Variants in ASB3 observed in about 807,000 individuals in gnomAD.
The protein encoded by ASB3 is ankyrin repeat and SOCS box protein 3.
ASB3 carries 41 observed loss-of-function variants against 54.5 expected under a neutral mutation model. The observed-to-expected ratio is 0.75, with a 90% CI of 0.59 to 0.98. The LOEUF (loss-of-function observed/expected upper bound fraction) is 0.98. Among genes scored for constraint, ASB3 ranks in the 50% least tolerant of loss-of-function variants. The probability of loss-of-function intolerance (pLI) is 0.00; values close to 1 mark genes in which losing one functional copy is unlikely to be tolerated. For missense variants in ASB3, 733 were observed against 620.0 expected, an observed-to-expected ratio of 1.18 and a Z score of -1.94; for synonymous variants, 266 against 221.2, an observed-to-expected ratio of 1.20 and a Z score of -1.80.
chr2:53,677,064 C>T (rs878967705), intron 9 of ASB3, among the ~76,000 whole-genome samples: 40 of 152,258 alleles, frequency 2.6e-4, no homozygotes, highest in Admixed American at 2.6e-4. Context: ...CCACCGCGCC[C>T]GGCCTATACT....
intron 2 of ASB3, among the ~76,000 whole-genome samples, chr2:53,752,130 T>G (rs1280703225): frequency 6.6e-6 from 1 of 152,220 alleles, no homozygotes. Context: ...ATTATAAAGA[T>G]GCTGATTCTT....
At chr2:53,739,573 A>T (rs946908259) in intron 3 of ASB3, among the ~76,000 whole-genome samples, 1 of 152,236 alleles carries the variant, frequency 6.6e-6, no homozygotes, top group African/African-American at 2.4e-5. Context: ...TTACCATAAC[A>T]ATTCTGTACA....
At chr2:53,786,792 A>C in intron 1 of ASB3, 29 bp downstream of exon 1, 1 of 173,986 alleles carries the variant, frequency 5.7e-6, no homozygotes, top group Non-Finnish European at 1.2e-5. Flanking sequence ...GGCTTCAGGA[A>C]GCGGCTGCCG....
At chr2:53,772,439 G>A (rs1332095170) in intron 1 of ASB3, among the ~76,000 whole-genome samples, 1 of 152,090 alleles carries the variant, frequency 6.6e-6, no homozygotes, top group African/African-American at 2.4e-5. Context: ...CTCCCAAAGT[G>A]CTGGGATTAC....
At position 53,685,414 on chromosome 2, in the gene ASB3, G is replaced by A. The variant is rs142157928; in HGVS notation, c.1369+8470C>T. On this transcript the variant is annotated intron_variant, in intron 9 of 9. Transcript: ENST00000263634. ...AACTTTCTCATCTACAATTAAAGCAGCTGCGCAGGATCACCAAACTAAGGA... is the reference window on the plus strand; with the variant it reads ...AACTTTCTCATCTACAATTAAAGCAACTGCGCAGGATCACCAAACTAAGGA... Among the ~76,000 whole-genome samples the A allele has an allele frequency of 2.9e-3, 443 of 152,312 alleles. 3 individuals carry two copies. The highest frequency in any genetic ancestry group is 4.8e-3 in the Non-Finnish European group (325 of 68,010).
intron 2 of ASB3, among the ~76,000 whole-genome samples, chr2:53,754,906 C>G (rs564496086): frequency 3.2e-4 from 49 of 152,316 alleles, no homozygotes; most frequent in African/African-American, 1.2e-3. Context: ...TTTCCTTAAA[C>G]TGATACATGA....
intron 1 of ASB3, chr2:53,768,170 C>G (rs1673626639): frequency 1.1e-6 from 1 of 897,446 alleles, no homozygotes; most frequent in African/African-American, 1.7e-5. Flanking sequence ...TAGATTTTCC[C>G]TGCCACCTGC....
In ASB3 at chr2:53,755,980, C is replaced by G. The variant is rs376652391; in HGVS notation, c.197-5039G>C. Among the ~76,000 whole-genome samples the G allele has an allele frequency of 8.5e-3, 1,285 of 150,806 alleles. 14 individuals are homozygous for G. Among genetic ancestry groups the G allele is most frequent in the African/African-American group, 0.03 (1,223 of 41,176 alleles). On this transcript the variant is annotated intron_variant, in intron 2 of 9. Transcript: ENST00000263634. ...CCAACCTGGACAAAATAGTAAGACCCCCCCCCCACCTCTACAAAATATAGA... is the reference window on the plus strand; with the variant it reads ...CCAACCTGGACAAAATAGTAAGACCGCCCCCCCACCTCTACAAAATATAGA...
At chr2:53,702,357 A>C (rs1442967284) in intron 7 of ASB3, among the ~76,000 whole-genome samples, 2 of 152,232 alleles carry the variant, frequency 1.3e-5, no homozygotes, top group African/African-American at 4.8e-5. Context: ...ACACTACAGA[A>C]ACACAAGCAA....
intron 1 of ASB3, among the ~76,000 whole-genome samples, chr2:53,771,215 T>C (rs924960516): frequency 2.6e-5 from 4 of 152,116 alleles, no homozygotes; most frequent in Non-Finnish European, 5.9e-5. Context: ...ATATTTTTTT[T>C]CCCCTAATAA....
At chr2:53,718,285 C>T (rs536437185) in intron 5 of ASB3, among the ~76,000 whole-genome samples, 3 of 121,032 alleles carry the variant, frequency 2.5e-5, no homozygotes, top group South Asian at 2.7e-4. Flanking sequence ...TAGAGAAAAA[C>T]GTCAGATCAC....
At chr2:53,770,525 C>T (rs1022254128) in intron 1 of ASB3, among the ~76,000 whole-genome samples, 4 of 134,292 alleles carry the variant, frequency 3.0e-5, no homozygotes, top group Non-Finnish European at 4.7e-5. Context: ...AAAAAAAAAG[C>T]TTGCAGGCAC....
chr2:53,729,681 A>T, intron 3 of ASB3, 111 bp from the exon 4 acceptor site: 1 of 830,438 alleles, frequency 1.2e-6, no homozygotes, highest in Non-Finnish European at 2.0e-6. Flanking sequence ...CAATGCTCTG[A>T]TTATTCCTAA....
At chr2:53,718,243 G>C (rs746915884) in intron 5 of ASB3, among the ~76,000 whole-genome samples, 3 of 151,944 alleles carry the variant, frequency 2.0e-5, no homozygotes, top group Non-Finnish European at 4.4e-5. Flanking sequence ...ACTGTTGAAG[G>C]TTAACACTAA....
At chr2:53,781,426 A>G (rs1350178035) in intron 1 of ASB3, among the ~76,000 whole-genome samples, 1 of 152,036 alleles carries the variant, frequency 6.6e-6, no homozygotes, top group African/African-American at 2.4e-5. Flanking sequence ...AAAAAAAAAA[A>G]AAGTGAGAGA....
At chr2:53,710,653 T>A (rs143136707) in intron 7 of ASB3, among the ~76,000 whole-genome samples, 3 of 152,236 alleles carry the variant, frequency 2.0e-5, no homozygotes, top group Non-Finnish European at 2.9e-5. Context: ...GGTTTGTTTA[T>A]TTCAGCAAGC....
At chr2:53,712,256 G>C (rs1670141559) in intron 7 of ASB3, among the ~76,000 whole-genome samples, 2 of 150,498 alleles carry the variant, frequency 1.3e-5, no homozygotes, top group East Asian at 1.9e-4. Context: ...CTTTGCCAAA[G>C]ACAGCAGAAG....
At chr2:53,703,232 T>C (rs553022820) in intron 7 of ASB3, among the ~76,000 whole-genome samples, 1 of 152,342 alleles carries the variant, frequency 6.6e-6, no homozygotes, top group Non-Finnish European at 1.5e-5. Flanking sequence ...GATTACTCAA[T>C]TACTCTTGAA....
At chr2:53,784,711 T>C (rs1674838567) in intron 1 of ASB3, among the ~76,000 whole-genome samples, 1 of 152,190 alleles carries the variant, frequency 6.6e-6, no homozygotes, top group South Asian at 2.1e-4. Context: ...AATTTCCCTC[T>C]TCTTATAAAG....
Sources: allele counts gnomAD v4.1 joint callset (sites outside exome capture counted in the v4.1 genomes callset), GRCh38; gene constraint gnomAD v4.1.1; transcripts MANE v1.5; gene names NCBI Gene and HGNC (gene_info 2026-07-23, HGNC 2026-07-21).